Variants in DSCAML1 observed in about 807,000 individuals in gnomAD.
DSCAML1 encodes the protein DS cell adhesion molecule like 1, also known as cell adhesion molecule DSCAML1.
Under a neutral mutation model 200.5 loss-of-function variants are expected in DSCAML1, and 38 were observed. That is an observed-to-expected ratio of 0.19 (90% CI 0.15 to 0.25). DSCAML1 has a LOEUF of 0.25. DSCAML1 is among the 10% of genes least tolerant of loss of function. The probability of loss-of-function intolerance (pLI) is 1.00; values close to 1 mark genes in which losing one functional copy is unlikely to be tolerated. For synonymous variants in DSCAML1, 1,215 were observed against 1,165.0 expected (o/e 1.04, Z -0.87); for missense variants, 2,223 against 2,858.8 (o/e 0.78, Z 5.07).
At chr11:117,798,690 T>C (rs566191320), upstream of DSCAML1, among the ~76,000 whole-genome samples, 1 of 152,086 alleles carries the variant, frequency 6.6e-6, no homozygotes, top group Admixed American at 6.5e-5. Context: ...AGGTACCTCA[T>C]AAGTGAGATC....
At position 117,523,152 on chromosome 11, in the gene DSCAML1, G is replaced by A. The variant is rs367685960; in HGVS notation, c.937+1653C>T. Among the ~76,000 whole-genome samples, 33 of 152,314 alleles carry A rather than the reference G, an allele frequency of 2.2e-4. No individual in the cohort carries two copies. The Middle Eastern group carries it at 0.014, about 63-fold the overall frequency. On this transcript the variant is annotated intron_variant, in intron 5 of 32. Coordinates refer to ENST00000651296, the MANE Select transcript of DSCAML1 (RefSeq NM_020693.4). ...GTGCATTTTCAACATGTGTGCCTGT[G>A]TCTGTGTGTCTCCGCTTGCCTGCAT...
At position 117,575,151 on chromosome 11, in the gene DSCAML1, A is replaced by G. The variant is rs184344851; in HGVS notation, c.512-42629T>C. On this transcript the variant is annotated intron_variant, in intron 3 of 32. Transcript: ENST00000651296. Reference sequence around the variant, plus strand: ...GGTTGCAATGAGCTAAGATAGTGCCATTACATTCCAGCCTGGGCAACAAGA... The same window carrying G: ...GGTTGCAATGAGCTAAGATAGTGCCGTTACATTCCAGCCTGGGCAACAAGA... 4.1e-4 allele frequency among the ~76,000 whole-genome samples: 62 copies of G among 152,342 alleles called. No homozygotes were observed. The East Asian group carries it at 0.01, about 26-fold the overall frequency.
chr11:117,565,953 C>T (rs144184216), intron 3 of DSCAML1, among the ~76,000 whole-genome samples: 1 of 152,328 alleles, frequency 6.6e-6, no homozygotes, highest in African/African-American at 2.4e-5. Flanking sequence ...CTGTCTCCCC[C>T]CTCCCTCACT....
intron 3 of DSCAML1, among the ~76,000 whole-genome samples, chr11:117,626,383 G>A (rs7934088): frequency 6.4e-4 from 97 of 152,258 alleles, no homozygotes; most frequent in African/African-American, 2.2e-3. Context: ...GCAAATGTAG[G>A]CATTTCATGC....
At chr11:117,572,646 A>G (rs1211729466) in intron 3 of DSCAML1, among the ~76,000 whole-genome samples, 1 of 152,240 alleles carries the variant, frequency 6.6e-6, no homozygotes, top group Non-Finnish European at 1.5e-5. Context: ...TAGGGAGTCC[A>G]ACATCCGGTA....
chr11:117,510,315 G>A (rs1378302693), intron 8 of DSCAML1, among the ~76,000 whole-genome samples: 1 of 152,174 alleles, frequency 6.6e-6, no homozygotes, highest in East Asian at 1.9e-4. Flanking sequence ...AAAACACCCG[G>A]TTCCAGACTC....
Position 117,565,634 on chromosome 11 carries a change from G to A in DSCAML1, c.512-33112C>T, listed in dbSNP as rs550768153. ...GTCTGCCACACAGAAGGGGCTCCAT[G>A]TGGGTGGCAGGAAATGGCTTCACCA... On this transcript the variant is annotated intron_variant, in intron 3 of 32. Coordinates refer to ENST00000651296, the MANE Select transcript of DSCAML1 (RefSeq NM_020693.4). Among the ~76,000 whole-genome samples, 13 of 152,348 alleles carry A rather than the reference G, an allele frequency of 8.5e-5. No homozygotes were observed. The South Asian group carries it at 2.3e-3, about 27-fold the overall frequency.
At chr11:117,571,227 G>A (rs2050843296) in intron 3 of DSCAML1, among the ~76,000 whole-genome samples, 1 of 152,240 alleles carries the variant, frequency 6.6e-6, no homozygotes, top group Non-Finnish European at 1.5e-5. Context: ...CCTGGGAGCA[G>A]AGGATTTGAG....
chr11:117,569,994 T>C (rs1020979222), intron 3 of DSCAML1, among the ~76,000 whole-genome samples: 1 of 152,200 alleles, frequency 6.6e-6, no homozygotes, highest in African/African-American at 2.4e-5. Context: ...TTGGATCACC[T>C]ACCCTGTCTA....
At chr11:117,525,174 C>T in intron 4 of DSCAML1, 91 bp from the exon 5 acceptor site, 1 of 1,406,670 alleles carries the variant, frequency 7.1e-7, no homozygotes, top group Non-Finnish European at 9.3e-7. Context: ...AGACAGGAGC[C>T]TGCTGCCCAC....
chr11:117,635,447 GGTGTGTGTGTGTGT>G (rs201976004), intron 3 of DSCAML1, among the ~76,000 whole-genome samples: 1 of 146,654 alleles, frequency 6.8e-6, no homozygotes, highest in East Asian at 2.0e-4. Context: ...TAGTGTGTGT[GGTGTGTGTGTGTGT>G]GTGTGTGTGT....
chr11:117,612,591 G>A (rs12576806), intron 3 of DSCAML1, among the ~76,000 whole-genome samples: 11,750 of 152,200 alleles, frequency 0.077, 1,025 homozygotes, highest in African/African-American at 0.22. Flanking sequence ...CTCAGGAGCA[G>A]GTGGGATGGT....
At chr11:117,461,327 A>T in intron 18 of DSCAML1, 123 bp downstream of exon 18, 4 of 1,394,852 alleles carry the variant, frequency 2.9e-6, no homozygotes, top group Non-Finnish European at 3.9e-6. Context: ...TGTGGAGAAG[A>T]GGGGGCTGCA....
intron 1 of DSCAML1, among the ~76,000 whole-genome samples, chr11:117,796,268 GCC>G (rs955098387): frequency 6.6e-6 from 1 of 152,220 alleles, no homozygotes; most frequent in East Asian, 1.9e-4. Flanking sequence ...AGAGGGACAC[GCC>G]CCCCAGCCTG....
chr11:117,617,854 C>A (rs1183694534), intron 3 of DSCAML1, among the ~76,000 whole-genome samples: 1 of 152,132 alleles, frequency 6.6e-6, no homozygotes, highest in African/African-American at 2.4e-5. Context: ...CCTCGCTACC[C>A]CCTACCAGGT....
At chr11:117,536,816 A>G (rs2050180038) in intron 3 of DSCAML1, among the ~76,000 whole-genome samples, 1 of 151,948 alleles carries the variant, frequency 6.6e-6, no homozygotes, top group Admixed American at 6.6e-5. Flanking sequence ...TCTTCCTTTT[A>G]TTATTACTAC....
intron 3 of DSCAML1, among the ~76,000 whole-genome samples, chr11:117,707,681 G>A (rs2053779878): frequency 6.6e-6 from 1 of 152,028 alleles, no homozygotes; most frequent in Non-Finnish European, 1.5e-5. Flanking sequence ...CTACAGGCGT[G>A]TGCCACCATG....
intron 3 of DSCAML1, among the ~76,000 whole-genome samples, chr11:117,776,358 C>T (rs759712465): frequency 9.9e-5 from 15 of 152,146 alleles, no homozygotes; most frequent in Non-Finnish European, 1.5e-4. Flanking sequence ...TCCAAGGAGG[C>T]AGTGCTCACT....
chr11:117,673,818 G>A (rs1222142603), intron 3 of DSCAML1, among the ~76,000 whole-genome samples: 1 of 152,190 alleles, frequency 6.6e-6, no homozygotes, highest in Non-Finnish European at 1.5e-5. Context: ...CTTCATTCCG[G>A]ACAGCTGCCT....
Sources: allele counts gnomAD v4.1 joint callset (sites outside exome capture counted in the v4.1 genomes callset), GRCh38; gene constraint gnomAD v4.1.1; transcripts MANE v1.5; gene names NCBI Gene and HGNC (gene_info 2026-07-23, HGNC 2026-07-21).